The following CAMTA1 variants were observed in gnomAD, a reference collection of about 807,000 sequenced individuals.
CAMTA1 encodes calmodulin-binding transcription activator 1.
Under a neutral mutation model 170.9 loss-of-function variants are expected in CAMTA1, and 27 were observed. The ratio of observed to expected loss-of-function variants is 0.16; its 90% CI spans 0.12 to 0.22. The LOEUF is 0.22. CAMTA1 is among the 10% of genes least tolerant of loss of function. The pLI is 1.00. For missense variants in CAMTA1, 1,619 were observed against 2,217.2 expected (o/e 0.73, Z 5.42); for synonymous variants, 833 against 891.5 (o/e 0.93, Z 1.17).
intron 7 of CAMTA1, among the ~76,000 whole-genome samples, chr1:7,648,854 G>T (rs980118748): frequency 6.6e-6 from 1 of 152,190 alleles, no homozygotes; most frequent in Non-Finnish European, 1.5e-5. Flanking sequence ...AGGTTCTTGT[G>T]CTGGGGTCCC....
chr1:7,724,621 A>C (rs773225432), intron 11 of CAMTA1, among the ~76,000 whole-genome samples: 44 of 151,948 alleles, frequency 2.9e-4, no homozygotes, highest in African/African-American at 9.7e-4. Context: ...TCACGAAGTC[A>C]GGAGATTGAG....
intron 1 of CAMTA1, among the ~76,000 whole-genome samples, chr1:6,791,223 C>T (rs906532186): frequency 7.3e-5 from 11 of 149,730 alleles, no homozygotes; most frequent in African/African-American, 2.7e-4. Context: ...GAGGTTTCTT[C>T]ACTGACCTGT....
rs548359076 is a variant in CAMTA1, at chr1:7,317,134, C to T, written c.438+67508C>T. ...CTGTGAAGGGAAGTTGCTCCCTTGCCGGGGGTACAGGGAAGGAAGGCCTAG... is the reference window on the plus strand; with the variant it reads ...CTGTGAAGGGAAGTTGCTCCCTTGCTGGGGGTACAGGGAAGGAAGGCCTAG... On this transcript the variant is annotated intron_variant, in intron 5 of 22. Coordinates refer to ENST00000303635, the MANE Select transcript of CAMTA1 (RefSeq NM_015215.4). Among the ~76,000 whole-genome samples the T allele has an allele frequency of 3.3e-5, 5 of 152,180 alleles. No individual in the cohort carries two copies. The South Asian group carries it at 6.2e-4, about 19-fold the overall frequency.
intron 4 of CAMTA1, among the ~76,000 whole-genome samples, chr1:7,208,405 GTATTGGGTACCT>G (rs899778345): frequency 1.4e-5 from 2 of 146,878 alleles, no homozygotes; most frequent in Non-Finnish European, 3.1e-5. Context: ...ACCCTATTGA[GTATTGGGTACCT>G]TATTGGGCAT....
Position 7,091,375 on chromosome 1 carries a change from A to G in CAMTA1, c.302+4A>G. On this transcript the variant is annotated splice_donor_region_variant and intron_variant, in intron 4 of 22. Coordinates refer to ENST00000303635, the MANE Select transcript of CAMTA1 (RefSeq NM_015215.4). Reference sequence around the variant, plus strand: ...TAACCACCTCCCCTAAGACAAGGTAATGTCCCAGATCTTGCAGTTTTTCAA... The same window carrying G: ...TAACCACCTCCCCTAAGACAAGGTAGTGTCCCAGATCTTGCAGTTTTTCAA... 6.2e-7 allele frequency: 1 copy of G among 1,607,804 alleles called. No homozygotes were observed. Among genetic ancestry groups the G allele is most frequent in the Non-Finnish European group, 8.5e-7 (1 of 1,174,178 alleles).
At chr1:6,995,751 G>T (rs1697159205) in intron 3 of CAMTA1, among the ~76,000 whole-genome samples, 1 of 152,188 alleles carries the variant, frequency 6.6e-6, no homozygotes, top group South Asian at 2.1e-4. Flanking sequence ...TGCTACGGGG[G>T]CACATGGGAG....
chr1:6,980,546 C>T (rs1277147477), intron 3 of CAMTA1, among the ~76,000 whole-genome samples: 1 of 152,092 alleles, frequency 6.6e-6, no homozygotes, highest in African/African-American at 2.4e-5. Context: ...GTCTGTGTCC[C>T]CACCCAAATC....
At chr1:7,541,154 C>G (rs529929369) in intron 6 of CAMTA1, among the ~76,000 whole-genome samples, 1 of 152,372 alleles carries the variant, frequency 6.6e-6, no homozygotes, top group East Asian at 1.9e-4. Flanking sequence ...TTCTCCTGCA[C>G]TCCTCCCTCC....
At chr1:6,922,395 CCCAAGCAGCT>C (rs1202546875) in intron 3 of CAMTA1, among the ~76,000 whole-genome samples, 8 of 75,858 alleles carry the variant, frequency 1.1e-4, no homozygotes, top group Non-Finnish European at 2.3e-4. Context: ...CTGGGGCTGG[CCCAAGCAGCT>C]TCACTTGGGG....
chr1:7,562,647 T>C lies in CAMTA1; in HGVS notation c.511-77753T>C, dbSNP rs916181648. 2.6e-5 allele frequency among the ~76,000 whole-genome samples: 4 copies of C among 152,210 alleles called. No homozygotes were observed. Among genetic ancestry groups the C allele is most frequent in the African/African-American group, 7.2e-5 (3 of 41,464 alleles). ...TGTCACCCACAACCGTCCGAAGAGA[T>C]ACCCAAATTGTACGCCACTGCTCAG... On this transcript the variant is annotated intron_variant, in intron 6 of 22. Transcript: ENST00000303635. The surrounding 1 kb of genome is among the most constrained non-coding windows in gnomAD (Gnocchi z 4.8).
rs116469053 is a variant in CAMTA1 at position 7,587,909 on chromosome 1, G to A, written c.511-52491G>A. ...GAAATGGCTTTTCCTGGAAGGAAACGTAAAGCACCGGGTACCTCCCCAGAA... is the reference window on the plus strand; with the variant it reads ...GAAATGGCTTTTCCTGGAAGGAAACATAAAGCACCGGGTACCTCCCCAGAA... On this transcript the variant is annotated intron_variant, in intron 6 of 22. Transcript: ENST00000303635. 5.2e-3 allele frequency among the ~76,000 whole-genome samples: 799 copies of A among 152,220 alleles called. 18 individuals carry two copies. The highest frequency in any genetic ancestry group is 0.018 in the African/African-American group (739 of 41,474).
intron 6 of CAMTA1, among the ~76,000 whole-genome samples, chr1:7,499,040 G>A (rs1221827169): frequency 3.4e-5 from 5 of 145,516 alleles, no homozygotes; most frequent in African/African-American, 1.0e-4. Flanking sequence ...GTGTAGAGAG[G>A]ATTGTGTGAG....
At chr1:7,342,434 G>C (rs1313052184) in intron 5 of CAMTA1, among the ~76,000 whole-genome samples, 1 of 152,144 alleles carries the variant, frequency 6.6e-6, no homozygotes, top group Non-Finnish European at 1.5e-5. Flanking sequence ...CTGCTAAATG[G>C]TTTCCTGTGT....
At chr1:7,644,705 A>C (rs766603846) in intron 7 of CAMTA1, among the ~76,000 whole-genome samples, 1 of 152,204 alleles carries the variant, frequency 6.6e-6, no homozygotes, top group Non-Finnish European at 1.5e-5. Context: ...ACTTGCATAC[A>C]TCATTTCATC....
chr1:6,994,799 C>A (rs192090107), intron 3 of CAMTA1, among the ~76,000 whole-genome samples: 6 of 152,248 alleles, frequency 3.9e-5, no homozygotes, highest in Non-Finnish European at 7.4e-5. Context: ...TCCTGAATAG[C>A]TGGGACTACA....
Position 7,333,815 on chromosome 1 carries a change from A to G in CAMTA1, c.438+84189A>G, listed in dbSNP as rs1476729646. Among the ~76,000 whole-genome samples the G allele has an allele frequency of 2.0e-5, 3 of 152,312 alleles. No individual in the cohort carries two copies. In the East Asian group the frequency reaches 5.8e-4, roughly 29 times the overall value. Reference sequence around the variant, plus strand: ...AGTCTCTTGAATAAAGCATTTTTGTAGCCTCCTCAAAATCCTCTCTCTGTG... The same window carrying G: ...AGTCTCTTGAATAAAGCATTTTTGTGGCCTCCTCAAAATCCTCTCTCTGTG... On this transcript the variant is annotated intron_variant, in intron 5 of 22. Transcript: ENST00000303635. This position sits in a 1 kb window ranked among gnomAD's most constrained non-coding sequence, Gnocchi z 4.4.
At chr1:7,326,858 C>T (rs1214215964) in intron 5 of CAMTA1, among the ~76,000 whole-genome samples, 3 of 152,088 alleles carry the variant, frequency 2.0e-5, no homozygotes, top group Non-Finnish European at 4.4e-5. Flanking sequence ...TCAGAATCAG[C>T]CCTGAGGCTT....
chr1:7,026,747 C>A (rs1702079131), intron 3 of CAMTA1, among the ~76,000 whole-genome samples: 2 of 151,250 alleles, frequency 1.3e-5, no homozygotes, highest in Non-Finnish European at 1.5e-5. Context: ...TCTTGTGCCT[C>A]AGCCTCCCAA....
At chr1:7,741,922 C>T (rs995823808) in intron 16 of CAMTA1, among the ~76,000 whole-genome samples, 1 of 148,258 alleles carries the variant, frequency 6.7e-6, no homozygotes, top group Admixed American at 6.9e-5. Flanking sequence ...CAGGTGTGAG[C>T]CACCATGCCC....
Sources: gnomAD v4.1 joint callset for allele counts (sites outside exome capture counted in the v4.1 genomes callset) on GRCh38, gnomAD v4.1.1 for gene constraint, Gnocchi (gnomAD v3.1) non-coding constraint, MANE v1.5 for transcripts, NCBI Gene and HGNC (gene_info 2026-07-23, HGNC 2026-07-21) for gene names.